The following EFTUD2 variants were observed in gnomAD, a reference collection of about 807,000 sequenced individuals.
The protein encoded by EFTUD2 is 116 kDa U5 small nuclear ribonucleoprotein component.
EFTUD2 carries 9 observed loss-of-function variants against 114.3 expected under a neutral mutation model. That is an observed-to-expected ratio of 0.08 (90% CI 0.05 to 0.14). The LOEUF (loss-of-function observed/expected upper bound fraction) is 0.14. EFTUD2 is among the 10% of genes least tolerant of loss of function. The pLI, the probability that EFTUD2 is intolerant of heterozygous loss-of-function variation, is 1.00. For synonymous variants in EFTUD2, 449 were observed against 462.3 expected, an observed-to-expected ratio of 0.97 and a Z score of 0.37; for missense variants, 765 against 1,241.2, an observed-to-expected ratio of 0.62 and a Z score of 5.76.
chr17:44,867,096 G>A (rs1009501224), intron 13 of EFTUD2, among the ~76,000 whole-genome samples: 3 of 152,106 alleles, frequency 2.0e-5, no homozygotes, highest in Non-Finnish European at 4.4e-5. Flanking sequence ...GACAGAGTGG[G>A]ACCCTATCTC....
intron 6 of EFTUD2, 167 bp from the exon 7 acceptor site, chr17:44,881,889 C>A: frequency 1.6e-6 from 1 of 617,346 alleles, no homozygotes; most frequent in East Asian, 2.9e-5. Context: ...GAGACCAGTG[C>A]CCTCCCAGCT....
At chr17:44,858,008 GCCAC>G (rs1309715753) in intron 19 of EFTUD2, among the ~76,000 whole-genome samples, 1 of 140,966 alleles carries the variant, frequency 7.1e-6, no homozygotes, top group Non-Finnish European at 1.5e-5. Context: ...TGCAACCTCT[GCCAC>G]CCGGTTTCAA....
chr17:44,874,016 G>A (rs1269831932), intron 10 of EFTUD2, among the ~76,000 whole-genome samples: 1 of 147,712 alleles, frequency 6.8e-6, no homozygotes, highest in Non-Finnish European at 1.5e-5. Context: ...TTACAGGCGT[G>A]AGCCACCGTG....
At chr17:44,870,863 CAAA>C (rs2050838376) in intron 11 of EFTUD2, among the ~76,000 whole-genome samples, 1 of 151,866 alleles carries the variant, frequency 6.6e-6, no homozygotes, top group African/African-American at 2.4e-5. Context: ...ACTAAAAATA[CAAA>C]AATTAGCTGG....
chr17:44,850,510 G>T lies in EFTUD2; in HGVS notation c.*764C>A. ...CTCTTTTTCACTGGGGGAGAACAGA[G>T]TAAGGGACTGGTGGTAGCTGGGGAG... On this transcript the variant is annotated 3_prime_UTR_variant, in exon 28 of 28. Coordinates refer to ENST00000426333, the MANE Select transcript of EFTUD2 (RefSeq NM_004247.4). 1.3e-6 allele frequency: 1 copy of T among 743,864 alleles called. No individual in the cohort carries two copies. The highest frequency in any genetic ancestry group is 2.3e-5 in the Admixed American group (1 of 44,304). The allele number at this position is 743,864 out of a possible 1,614,324, so 46.1% of individuals were successfully genotyped here.
At chr17:44,869,215 CA>C (rs1233688823) in intron 11 of EFTUD2, among the ~76,000 whole-genome samples, 1 of 152,230 alleles carries the variant, frequency 6.6e-6, no homozygotes, top group Admixed American at 6.5e-5. Context: ...TTCTTTCCCA[CA>C]TTGTTAGTTA....
At chr17:44,863,547 G>C in intron 15 of EFTUD2, 108 bp downstream of exon 15, 10 of 1,477,570 alleles carry the variant, frequency 6.8e-6, no homozygotes, top group Non-Finnish European at 9.2e-6. Context: ...CATGGGGATG[G>C]GGAGGCAAGG....
chr17:44,886,699 G>A lies in EFTUD2; in HGVS notation c.157C>T (p.Pro53Ser), dbSNP rs143040272. ...TCATGCAGCACCACCTCCATCCCAG[G>A]GTGGTCATCGTCATGATCTCCTACG... ...DDVGDHDDDH[P>S]GMEVVLHEDK... The change falls in exon 3 of 28, where the codon CCT (proline) becomes TCT (serine). Residue 53 changes from proline to serine, a missense_variant. By Grantham distance (74) the Pro-to-Ser change is moderately conservative. Transcript: ENST00000426333. The A allele has an allele frequency of 1.7e-5, 28 of 1,614,142 alleles. No homozygotes were observed. Among genetic ancestry groups the A allele is most frequent in the Middle Eastern group, 1.6e-4 (1 of 6,062 alleles).
rs1414048034 is a variant in EFTUD2 at position 44,860,495 on chromosome 17, A to C, written c.1656T>G (p.Ile552Met). 6.2e-7 allele frequency: 1 copy of C among 1,613,978 alleles called. No homozygotes were observed. The highest frequency in any genetic ancestry group is 8.5e-7 in the Non-Finnish European group (1 of 1,179,974). Reference protein sequence around the residue: ...NRVPAGNWVLIEGVDQPIVKT... With the variant: ...NRVPAGNWVLMEGVDQPIVKT... ...TCACAATTGGTTGATCAACACCTTC[A>C]ATCAGAACCCAGTTGCCAGCAGGAA... The change falls in exon 17 of 28, where the codon ATT becomes ATG. Residue 552 changes from isoleucine (I) to methionine (M), a missense_variant. Physicochemically the swap from Ile to Met is conservative, Grantham distance 10. Transcript: ENST00000426333.
chr17:44,867,063 T>C (rs1014486554), intron 13 of EFTUD2, among the ~76,000 whole-genome samples: 2 of 152,174 alleles, frequency 1.3e-5, no homozygotes, highest in African/African-American at 2.4e-5. Flanking sequence ...GCTATGATCG[T>C]GCTATTGCAC....
At position 44,862,427 on chromosome 17, in the gene EFTUD2, C is replaced by G. The variant is rs116567908; in HGVS notation, c.1607+286G>C. Among the ~76,000 whole-genome samples the G allele has an allele frequency of 4.6e-3, 706 of 152,096 alleles. 7 individuals carry two copies. Among genetic ancestry groups the G allele is most frequent in the African/African-American group, 0.017 (692 of 41,478 alleles). ...TCTGGCCTAGGAGACAGAGTGAGAC[C>G]CTGTCTCAAAACAAACAAATAGGGC... On this transcript the variant is annotated intron_variant, in intron 16 of 27. Coordinates refer to ENST00000426333, the MANE Select transcript of EFTUD2 (RefSeq NM_004247.4).
At chr17:44,856,976 C>G in intron 20 of EFTUD2, 99 bp downstream of exon 20, 1 of 993,864 alleles carries the variant, frequency 1.0e-6, no homozygotes, top group South Asian at 1.3e-5. Context: ...GTAGAGGTCT[C>G]TATGTGCATA....
intron 9 of EFTUD2, among the ~76,000 whole-genome samples, chr17:44,878,795 TA>T (rs1217935168): frequency 6.6e-6 from 1 of 152,086 alleles, no homozygotes; most frequent in Non-Finnish European, 1.5e-5. Flanking sequence ...AAAGTCAGTT[TA>T]AAAAAAGACA....
intron 17 of EFTUD2, 134 bp downstream of exon 17, chr17:44,860,298 C>G (rs920333959): frequency 2.6e-6 from 2 of 763,168 alleles, no homozygotes; most frequent in African/African-American, 3.5e-5. Context: ...GAGAATCCAG[C>G]AGGGTCATAT....
intron 2 of EFTUD2, among the ~76,000 whole-genome samples, chr17:44,887,466 A>C (rs1171623454): frequency 1.3e-5 from 2 of 152,256 alleles, no homozygotes; most frequent in African/African-American, 2.4e-5. Context: ...ACATCCATAC[A>C]AAAGATTATT....
In EFTUD2 at chr17:44,850,641, G is replaced by C; in HGVS notation, c.*633C>G. 2.3e-6 allele frequency: 1 copy of C among 428,822 alleles called. No individual in the cohort carries two copies. Among genetic ancestry groups the C allele is most frequent in the Non-Finnish European group, 4.3e-6 (1 of 232,374 alleles). 26.6% of individuals were successfully genotyped at this position (428,822 alleles called of 1,614,324 possible). On this transcript the variant is annotated 3_prime_UTR_variant, in exon 28 of 28. Coordinates refer to ENST00000426333, the MANE Select transcript of EFTUD2 (RefSeq NM_004247.4). ...AGTTTCCTGAGGAGGTGGTGGGGTAGACTTCTGATCGCAGGAACCCAACAA... is the reference window on the plus strand; with the variant it reads ...AGTTTCCTGAGGAGGTGGTGGGGTACACTTCTGATCGCAGGAACCCAACAA...
At chr17:44,872,653 T>C (rs1597807652) in intron 10 of EFTUD2, 83 bp from the exon 11 acceptor site, 3 of 1,467,520 alleles carry the variant, frequency 2.0e-6, no homozygotes, top group Non-Finnish European at 2.7e-6. Flanking sequence ...GAACTCGGTA[T>C]CACAGCCACT....
In EFTUD2 at chr17:44,851,210, T is replaced by C; in HGVS notation, c.*64A>G. 7.3e-7 allele frequency: 1 copy of C among 1,360,666 alleles called. No individual in the cohort carries two copies. The allele number at this position is 1,360,666 out of a possible 1,614,324, so 84.3% of individuals were successfully genotyped here. ...CACGAAGGCCACGTCATATGAGGTC[T>C]CAGCTTCAAGTACAGGAGTTGCAGC... On this transcript the variant is annotated 3_prime_UTR_variant, in exon 28 of 28. Coordinates refer to ENST00000426333, the MANE Select transcript of EFTUD2 (RefSeq NM_004247.4).
intron 17 of EFTUD2, 186 bp from the exon 18 acceptor site, chr17:44,860,231 G>T: frequency 1.2e-6 from 1 of 853,570 alleles, no homozygotes; most frequent in Non-Finnish European, 1.8e-6. Flanking sequence ...AACAAAGAGA[G>T]GAGGAAAATA....
Sources: allele counts gnomAD v4.1 joint callset (sites outside exome capture counted in the v4.1 genomes callset), GRCh38; gene constraint gnomAD v4.1.1; transcripts MANE v1.5; gene names NCBI Gene and HGNC (gene_info 2026-07-23, HGNC 2026-07-21).